Variants in GPHN observed in about 807,000 individuals in gnomAD.
GPHN encodes gephyrin.
GPHN carries 17 observed loss-of-function variants against 95.5 expected under a neutral mutation model. The ratio of observed to expected loss-of-function variants is 0.18; its 90% CI spans 0.12 to 0.27. The LOEUF (loss-of-function observed/expected upper bound fraction) is 0.27. Among genes scored for constraint, GPHN ranks in the 10% least tolerant of loss-of-function variants. The probability of loss-of-function intolerance (pLI) is 1.00; values close to 1 mark genes in which losing one functional copy is unlikely to be tolerated. For synonymous variants in GPHN, 320 were observed against 322.5 expected (o/e 0.99, Z 0.08); for missense variants, 660 against 978.1 (o/e 0.67, Z 4.34).
chr14:67,562,801 A>G, the GPHN span: 30 of 1,613,808 alleles, frequency 1.9e-5, no homozygotes, highest in South Asian at 2.6e-4. Context: ...AGAATGAGGA[A>G]AGAGAGAGCC....
At chr14:66,841,351 C>T (rs902493222) in intron 4 of GPHN, among the ~76,000 whole-genome samples, 2 of 152,094 alleles carry the variant, frequency 1.3e-5, no homozygotes, top group African/African-American at 2.4e-5. Flanking sequence ...AGCCATGGAT[C>T]ATGTGGAACC....
intron 3 of GPHN, among the ~76,000 whole-genome samples, chr14:66,786,516 G>A (rs1488884882): frequency 6.6e-6 from 1 of 151,956 alleles, no homozygotes; most frequent in Admixed American, 6.6e-5. Flanking sequence ...AATAAAAGAT[G>A]AGGAAATACG....
At chr14:66,681,063 T>C (rs370364971) in intron 1 of GPHN, 44 bp from the exon 2 acceptor site, 22 of 1,134,450 alleles carry the variant, frequency 1.9e-5, no homozygotes, top group Admixed American at 1.5e-4. Flanking sequence ...AAATGAAATG[T>C]AGACAAAAAT....
chr14:66,674,344 C>T (rs965418433), intron 1 of GPHN, among the ~76,000 whole-genome samples: 4 of 151,934 alleles, frequency 2.6e-5, no homozygotes, highest in African/African-American at 7.3e-5. Flanking sequence ...GTGATCCACC[C>T]GCCTCAGCCT....
At chr14:67,083,233 C>G (rs3784076) in intron 11 of GPHN, among the ~76,000 whole-genome samples, 5 of 151,772 alleles carry the variant, frequency 3.3e-5, no homozygotes, top group African/African-American at 9.7e-5. Flanking sequence ...ATCTATGCCC[C>G]CCCCCCTCCA....
chr14:67,573,208 G>T, the GPHN span: 1 of 951,110 alleles, frequency 1.1e-6, no homozygotes, highest in South Asian at 1.3e-5. The surrounding 1 kb of genome is among the most constrained non-coding windows in gnomAD (Gnocchi z 4.8). Flanking sequence ...GGACCACTTG[G>T]ACCTGTGTGA....
the GPHN span, among the ~76,000 whole-genome samples, chr14:67,349,690 A>G: frequency 6.6e-6 from 1 of 152,184 alleles, no homozygotes; most frequent in African/African-American, 2.4e-5. Context: ...CCAGTCTCAT[A>G]ACCCAATCTC....
chr14:66,545,542 G>A (rs12890616), intron 1 of GPHN, among the ~76,000 whole-genome samples: 13 of 95,302 alleles, frequency 1.4e-4, no homozygotes, highest in African/African-American at 3.7e-4. Context: ...CGGACGGGGC[G>A]GCTGGCCGGG....
intron 1 of GPHN, among the ~76,000 whole-genome samples, chr14:66,592,638 A>G (rs2061778878): frequency 1.3e-5 from 2 of 152,212 alleles, no homozygotes; most frequent in African/African-American, 4.8e-5. Context: ...TATCATTAAA[A>G]TGTCAGGAAA....
chr14:66,584,859 T>G (rs1257508512), intron 1 of GPHN, among the ~76,000 whole-genome samples: 1 of 152,158 alleles, frequency 6.6e-6, no homozygotes, highest in African/African-American at 2.4e-5. Flanking sequence ...CTTTTTTGGT[T>G]GTGTCTCTGC....
At chr14:67,200,218 G>A in the GPHN span, 1 of 1,067,720 alleles carries the variant, frequency 9.4e-7, no homozygotes, top group Non-Finnish European at 1.3e-6. Context: ...GGATACACTG[G>A]CCCTCCACAA....
chr14:67,685,299 A>AT, the GPHN span: 86 of 930,208 alleles, frequency 9.2e-5, no homozygotes, highest in Admixed American at 1.7e-3. Context: ...TGTGACCTTC[A>AT]CATATGGACT....
intron 18 of GPHN, among the ~76,000 whole-genome samples, chr14:67,157,784 T>C (rs920609012): frequency 2.7e-5 from 4 of 148,182 alleles, no homozygotes; most frequent in African/African-American, 1.0e-4. Context: ...GCCGAGATCA[T>C]GCCACTGCAC....
At chr14:67,203,313 G>A in the GPHN span, 2 of 1,541,792 alleles carry the variant, frequency 1.3e-6, no homozygotes, top group Non-Finnish European at 1.8e-6. Context: ...AAAGAGAAGA[G>A]GTTAAAGATC....
At position 66,959,709 on chromosome 14, in the gene GPHN, T is replaced by G. The variant is rs571535932; in HGVS notation, c.829-5482T>G. Among the ~76,000 whole-genome samples, 4 of 152,202 alleles carry G rather than the reference T, an allele frequency of 2.6e-5. No individual in the cohort carries two copies. In the East Asian group the frequency reaches 5.8e-4, roughly 22 times the overall value. ...AATTTGATTATAATGTATCTTCGTG[T>G]CAGTCTTTTTTAGTTTATCCTGCTT... is the stretch of plus-strand genomic sequence containing the variant. On this transcript the variant is annotated intron_variant, in intron 8 of 22. Coordinates refer to ENST00000478722, the MANE Select transcript of GPHN (RefSeq NM_020806.5).
chr14:67,457,230 C>T, the GPHN span, among the ~76,000 whole-genome samples: 102 of 152,258 alleles, frequency 6.7e-4, no homozygotes, highest in African/African-American at 2.4e-3. Context: ...CCCTCAGACA[C>T]TCAATTTACC....
the GPHN span, among the ~76,000 whole-genome samples, chr14:67,323,492 A>G: frequency 1.1e-4 from 17 of 151,712 alleles, no homozygotes; most frequent in African/African-American, 3.6e-4. Context: ...GTGCATGCCT[A>G]TAGTCCTAGC....
chr14:66,897,425 A>G (rs1004188038), intron 5 of GPHN, among the ~76,000 whole-genome samples: 4 of 152,110 alleles, frequency 2.6e-5, no homozygotes, highest in Admixed American at 2.6e-4. Context: ...ACTGCTCTCC[A>G]TAGTGGCTGT....
chr14:67,282,224 G>T, the GPHN span, among the ~76,000 whole-genome samples: 5 of 152,018 alleles, frequency 3.3e-5, no homozygotes, highest in Non-Finnish European at 7.4e-5. Context: ...TTCATAATCT[G>T]CTAACACATC....
Sources: allele counts gnomAD v4.1 joint callset (sites outside exome capture counted in the v4.1 genomes callset), GRCh38; gene constraint gnomAD v4.1.1; non-coding constraint Gnocchi (gnomAD v3.1); transcripts MANE v1.5; gene names NCBI Gene and HGNC (gene_info 2026-07-23, HGNC 2026-07-21).